ABCB5: variants seen among roughly 807,000 people sequenced by gnomAD.
ABCB5 encodes the protein ATP binding cassette subfamily B member 5, also known as ATP-binding cassette sub-family B member 5.
In ABCB5, 155 loss-of-function variants were observed where a neutral mutation model predicts 144.2. That is an observed-to-expected ratio of 1.08 (90% CI 0.94 to 1.23). The LOEUF (loss-of-function observed/expected upper bound fraction) is 1.23. Among genes scored for constraint, ABCB5 ranks in the 50% most tolerant of loss-of-function variants. The pLI, the probability that ABCB5 is intolerant of heterozygous loss-of-function variation, is 0.00. For synonymous variants in ABCB5, 610 were observed against 528.6 expected (o/e 1.15, Z -2.11); for missense variants, 1,830 against 1,520.8 (o/e 1.20, Z -3.38).
At chr7:20,718,330 A>G (rs1016625098) in intron 20 of ABCB5, among the ~76,000 whole-genome samples, 2 of 152,208 alleles carry the variant, frequency 1.3e-5, no homozygotes, top group African/African-American at 4.8e-5. Context: ...TTAAACTTCC[A>G]GGGGATGAAC....
chr7:20,681,722 T>C, intron 15 of ABCB5, 56 bp downstream of exon 15: 1 of 1,554,062 alleles, frequency 6.4e-7, no homozygotes, highest in Admixed American at 2.0e-5. Flanking sequence ...TCAGAGATCA[T>C]ACCACACTAG....
At chr7:20,641,111 C>G (rs1388458185) in intron 5 of ABCB5, among the ~76,000 whole-genome samples, 1 of 152,138 alleles carries the variant, frequency 6.6e-6, no homozygotes, top group Non-Finnish European at 1.5e-5. Context: ...TACTTGATCT[C>G]CATTTCGAGG....
At position 20,685,608 on chromosome 7, in the gene ABCB5, C is replaced by T. The variant is rs774563666; in HGVS notation, c.1870-88C>T. On this transcript the variant is annotated intron_variant, in intron 15 of 27. Coordinates refer to ENST00000404938, the MANE Select transcript of ABCB5 (RefSeq NM_001163941.2). ...AATATGCCACTTTCAATAGCAAAGG[C>T]GATAACAGCTTTAAAGAGATGCTTA... is the stretch of plus-strand genomic sequence containing the variant. The T allele has an allele frequency of 3.9e-5, 47 of 1,208,198 alleles. No homozygotes were observed. In the Admixed American group the frequency reaches 4.1e-4, roughly 10 times the overall value. The allele number at this position is 1,208,198 out of a possible 1,614,324, so 74.8% of individuals were successfully genotyped here. A position where few individuals can be genotyped will look rare whatever the true frequency, so the allele number is the denominator to read the frequency against.
chr7:20,671,056 ACT>A (rs377264650), intron 14 of ABCB5, among the ~76,000 whole-genome samples: 74 of 152,308 alleles, frequency 4.9e-4, no homozygotes, highest in African/African-American at 1.7e-3. Context: ...GCTTAGTATA[ACT>A]CTCTTCTACT....
chr7:20,694,798 C>T (rs985286335), intron 16 of ABCB5, among the ~76,000 whole-genome samples: 26 of 151,774 alleles, frequency 1.7e-4, no homozygotes, highest in African/African-American at 5.8e-4. Flanking sequence ...CTATATACTA[C>T]AAGTGGGAAG....
intron 5 of ABCB5, among the ~76,000 whole-genome samples, chr7:20,632,778 G>A (rs889535169): frequency 6.0e-5 from 9 of 150,036 alleles, no homozygotes; most frequent in African/African-American, 7.4e-5. Flanking sequence ...AACAAACACC[G>A]CATATTCTCA....
At chr7:20,684,614 CAA>C (rs199654687) in intron 15 of ABCB5, among the ~76,000 whole-genome samples, 4 of 151,594 alleles carry the variant, frequency 2.6e-5, no homozygotes, top group African/African-American at 9.7e-5. Flanking sequence ...TAAATAAAAA[CAA>C]AAAATAAAAA....
intron 23 of ABCB5, among the ~76,000 whole-genome samples, chr7:20,732,807 T>C (rs1782264081): frequency 6.6e-6 from 1 of 152,186 alleles, no homozygotes; most frequent in Non-Finnish European, 1.5e-5. Flanking sequence ...AGATTAAAGC[T>C]AAGAAAAAAT....
At chr7:20,720,943 CAAAAAA>C (rs71020677) in intron 20 of ABCB5, among the ~76,000 whole-genome samples, 7 of 71,056 alleles carry the variant, frequency 9.9e-5, no homozygotes, top group African/African-American at 3.7e-4. Context: ...AACTCTGCCT[CAAAAAA>C]AAAAAAAAAA....
chr7:20,713,422 G>A lies in ABCB5; in HGVS notation c.2421+8615G>A, dbSNP rs1204941319. ...CAGCTAATTTTTTTAATTTTGTAGA[G>A]ACAGGGTCTCACTGTGTTGTCCAGG... On this transcript the variant is annotated intron_variant, in intron 20 of 27. Coordinates refer to ENST00000404938, the MANE Select transcript of ABCB5 (RefSeq NM_001163941.2). Among the ~76,000 whole-genome samples, 3 of 148,994 alleles carry A rather than the reference G, an allele frequency of 2.0e-5. 1 individual carries two copies. Among genetic ancestry groups the A allele is most frequent in the East Asian group, 2.0e-4 (1 of 5,032 alleles).
intron 7 of ABCB5, 24 bp from the exon 8 acceptor site, chr7:20,645,732 A>G (rs766023584): frequency 6.2e-7 from 1 of 1,611,602 alleles, no homozygotes; most frequent in South Asian, 1.1e-5. Context: ...GTCATTTTTT[A>G]ACTGTGGTTG....
chr7:20,668,190 G>A (rs1195325745), intron 14 of ABCB5, among the ~76,000 whole-genome samples: 9 of 145,940 alleles, frequency 6.2e-5, no homozygotes, highest in Non-Finnish European at 1.2e-4. Flanking sequence ...CCCATCGTCT[G>A]GGATATGAGG....
At chr7:20,635,407 A>G (rs1784136408) in intron 5 of ABCB5, among the ~76,000 whole-genome samples, 1 of 148,808 alleles carries the variant, frequency 6.7e-6, no homozygotes, top group Non-Finnish European at 1.5e-5. Context: ...TTTTGGTTGC[A>G]TATGAATTTT....
intron 2 of ABCB5, 47 bp from the exon 3 acceptor site, chr7:20,626,510 A>T: frequency 1.3e-6 from 2 of 1,551,862 alleles, no homozygotes; most frequent in African/African-American, 2.7e-5. Context: ...AATTTTGCAA[A>T]TTATATTCAC....
chr7:20,747,435 T>C (rs1782763527), intron 26 of ABCB5, among the ~76,000 whole-genome samples: 1 of 152,162 alleles, frequency 6.6e-6, no homozygotes, highest in Non-Finnish European at 1.5e-5. Flanking sequence ...TTTTTGTATT[T>C]TTTGTAGAGA....
In ABCB5 at chr7:20,728,301, T is replaced by C. The variant is rs769555187; in HGVS notation, c.2727-14T>C. The C allele has an allele frequency of 2.5e-6, 4 of 1,613,118 alleles. No individual in the cohort carries two copies. The highest frequency in any genetic ancestry group is 3.4e-6 in the Non-Finnish European group (4 of 1,179,444). On this transcript the variant is annotated splice_polypyrimidine_tract_variant and intron_variant, in intron 22 of 27. Transcript: ENST00000404938. ...ATTCATGCCTCATTATTTGGTAAATTTTGTACATTCCAGAAATACCTCGAA... is the reference window on the plus strand; with the variant it reads ...ATTCATGCCTCATTATTTGGTAAATCTTGTACATTCCAGAAATACCTCGAA...
intron 16 of ABCB5, among the ~76,000 whole-genome samples, chr7:20,693,324 T>C (rs570140582): frequency 2.0e-5 from 3 of 151,850 alleles, no homozygotes; most frequent in Non-Finnish European, 2.9e-5. Flanking sequence ...TATGATTGCA[T>C]TACCGTACCC....
At chr7:20,745,111 T>A in intron 25 of ABCB5, 121 bp from the exon 26 acceptor site, 1 of 1,093,838 alleles carries the variant, frequency 9.1e-7, no homozygotes, top group Non-Finnish European at 1.3e-6. Context: ...AACTTTATAC[T>A]TTGAAATAGC....
chr7:20,706,846 A>C (rs1786842543), intron 20 of ABCB5, among the ~76,000 whole-genome samples: 1 of 152,240 alleles, frequency 6.6e-6, no homozygotes, highest in Non-Finnish European at 1.5e-5. Context: ...TATTTTAAAA[A>C]ATCTAATTTT....
Sources: allele counts gnomAD v4.1 joint callset (sites outside exome capture counted in the v4.1 genomes callset), GRCh38; gene constraint gnomAD v4.1.1; transcripts MANE v1.5; gene names NCBI Gene and HGNC (gene_info 2026-07-23, HGNC 2026-07-21).